The following GPM6A variants were observed in gnomAD, a reference collection of about 807,000 sequenced individuals.
GPM6A encodes neuronal membrane glycoprotein M6-a.
A neutral mutation model predicts 32.1 loss-of-function variants in GPM6A; 7 were observed. That is an observed-to-expected ratio of 0.22 (90% confidence interval 0.12 to 0.41). The LOEUF is 0.41. Ranked by LOEUF, GPM6A falls within the 10% of genes least tolerant of loss-of-function variation. The pLI is 1.00. For synonymous variants in GPM6A, 130 were observed against 123.4 expected (o/e 1.05, Z -0.35); for missense variants, 235 against 347.2 (o/e 0.68, Z 2.57).
intron 5 of GPM6A, 132 bp downstream of exon 5, chr4:175,640,621 C>G: frequency 3.0e-6 from 2 of 677,416 alleles, no homozygotes; most frequent in Non-Finnish European, 5.2e-6. Flanking sequence ...CTGAATAACA[C>G]TACTTCAGGT....
At chr4:175,667,373 A>G (rs951172696) in intron 3 of GPM6A, among the ~76,000 whole-genome samples, 7 of 152,176 alleles carry the variant, frequency 4.6e-5, no homozygotes, top group Admixed American at 3.3e-4. Context: ...TACAAAATGT[A>G]TTACTCAGCC....
Position 175,982,323 on chromosome 4 carries a change from A to G in GPM6A, c.-23+19986T>C, listed in dbSNP as rs557591758. ...GTCCTAGGAAATATTTGCTTAACAT[A>G]AGGTCAAAAAGATTTTTTCCTTTGC... is the stretch of plus-strand genomic sequence containing the variant. On this transcript the variant is annotated intron_variant, in intron 1 of 7. Transcript: ENST00000280187. Among the ~76,000 whole-genome samples, 4 of 152,254 alleles carry G rather than the reference A, an allele frequency of 2.6e-5. No individual in the cohort carries two copies. The South Asian group carries it at 8.3e-4, about 32-fold the overall frequency.
At chr4:175,657,936 A>G (rs1040959901) in intron 3 of GPM6A, among the ~76,000 whole-genome samples, 10 of 152,216 alleles carry the variant, frequency 6.6e-5, no homozygotes, top group Non-Finnish European at 1.3e-4. Context: ...AAAAAACATT[A>G]CAATCAAGTA....
intron 1 of GPM6A, among the ~76,000 whole-genome samples, chr4:175,992,220 T>C (rs1741172424): frequency 6.6e-6 from 1 of 152,146 alleles, no homozygotes; most frequent in Non-Finnish European, 1.5e-5. Context: ...GAGTTACAAG[T>C]AATGTGCGTG....
At chr4:175,996,663 T>G (rs1454890345) in intron 1 of GPM6A, among the ~76,000 whole-genome samples, 5 of 152,196 alleles carry the variant, frequency 3.3e-5, no homozygotes, top group Non-Finnish European at 1.5e-5. Flanking sequence ...ATTTCCACAC[T>G]CAAATGTTTT....
At position 175,802,036 on chromosome 4, in the gene GPM6A, T is replaced by C. The variant is rs142535672; in HGVS notation, c.37+10155A>G. On this transcript the variant is annotated intron_variant, in intron 1 of 6. Transcript: ENST00000393658. ...GCAGATCCCAATCATTTGGAGGGGG[T>C]TCAAAGTTGCTAAACAGTGTTGTAG... Among the ~76,000 whole-genome samples, 322 of 152,094 alleles carry C rather than the reference T, an allele frequency of 2.1e-3. 2 individuals are homozygous for C. Among genetic ancestry groups the C allele is most frequent in the African/African-American group, 7.3e-3 (302 of 41,522 alleles).
At position 175,649,795 on chromosome 4, in the gene GPM6A, A is replaced by G. The variant is rs961722325; in HGVS notation, c.541+2039T>C. Among the ~76,000 whole-genome samples, 3 of 152,360 alleles carry G rather than the reference A, an allele frequency of 2.0e-5. No homozygotes were observed. The South Asian group carries it at 6.2e-4, about 32-fold the overall frequency. ...CAGATAAAGAACAAATCATTTTAGTATAACTATATCCCATACAATATTTGG... is the reference window on the plus strand; with the variant it reads ...CAGATAAAGAACAAATCATTTTAGTGTAACTATATCCCATACAATATTTGG... On this transcript the variant is annotated intron_variant, in intron 4 of 6. Transcript: ENST00000393658.
At chr4:175,878,112 C>T (rs1457661027) in intron 1 of GPM6A, among the ~76,000 whole-genome samples, 1 of 152,234 alleles carries the variant, frequency 6.6e-6, no homozygotes, top group Non-Finnish European at 1.5e-5. Context: ...GCTCCCACAA[C>T]CTTGGCAGCT....
intron 3 of GPM6A, among the ~76,000 whole-genome samples, chr4:175,672,191 C>G (rs553987510): frequency 6.6e-6 from 1 of 152,260 alleles, no homozygotes; most frequent in African/African-American, 2.4e-5. Flanking sequence ...ATTGACTGCA[C>G]TCGTCCTGGC....
intron 6 of GPM6A, among the ~76,000 whole-genome samples, chr4:175,637,720 TATA>T (rs1740864717): frequency 1.2e-5 from 1 of 82,388 alleles, no homozygotes; most frequent in African/African-American, 5.1e-5. Flanking sequence ...TATATTTATA[TATA>T]ATATATTATA....
At chr4:175,928,349 A>T (rs1410034317) in intron 1 of GPM6A, among the ~76,000 whole-genome samples, 1 of 152,222 alleles carries the variant, frequency 6.6e-6, no homozygotes, top group African/African-American at 2.4e-5. Flanking sequence ...CCTATGTGGG[A>T]AAAGCTTGCT....
intron 1 of GPM6A, among the ~76,000 whole-genome samples, chr4:175,911,546 T>C (rs17062250): frequency 0.021 from 3,221 of 152,238 alleles, 107 homozygotes; most frequent in African/African-American, 0.074. Context: ...CCAAATAAAG[T>C]GATTTTTAAC....
At chr4:175,808,285 T>C (rs1265030027) in intron 1 of GPM6A, among the ~76,000 whole-genome samples, 1 of 152,202 alleles carries the variant, frequency 6.6e-6, no homozygotes, top group Non-Finnish European at 1.5e-5. Flanking sequence ...TATATCCTTG[T>C]GTGCATAGAT....
chr4:175,912,010 AT>A (rs1371736036), intron 1 of GPM6A, among the ~76,000 whole-genome samples: 1 of 152,180 alleles, frequency 6.6e-6, no homozygotes, highest in African/African-American at 2.4e-5. Context: ...ATCTATACAG[AT>A]TTTGAAAGCT....
At chr4:175,857,865 T>A (rs1311996783) in intron 1 of GPM6A, among the ~76,000 whole-genome samples, 4 of 152,152 alleles carry the variant, frequency 2.6e-5, no homozygotes, top group Non-Finnish European at 5.9e-5. Flanking sequence ...CTAGAGGTTC[T>A]AAATAGTGGA....
intron 1 of GPM6A, among the ~76,000 whole-genome samples, chr4:175,846,719 T>A (rs9312589): frequency 6.6e-6 from 1 of 151,946 alleles, no homozygotes; most frequent in Non-Finnish European, 1.5e-5. Context: ...TTTTCATAAA[T>A]GTGCAAAAGC....
chr4:175,955,747 A>T (rs140698035), intron 1 of GPM6A, among the ~76,000 whole-genome samples: 77 of 152,260 alleles, frequency 5.1e-4, no homozygotes, highest in African/African-American at 1.8e-3. Context: ...GTTTCTACTG[A>T]TGGAGCTTGC....
intron 6 of GPM6A, among the ~76,000 whole-genome samples, chr4:175,637,300 T>A: frequency 2.5e-5 from 1 of 39,626 alleles, no homozygotes; most frequent in Non-Finnish European, 4.8e-5. Context: ...ATATATATTA[T>A]ATATTATATA....
In GPM6A at chr4:175,634,212, A is replaced by G. The variant is rs1449751917; in HGVS notation, c.*693T>C. On this transcript the variant is annotated 3_prime_UTR_variant, in exon 7 of 7. Transcript: ENST00000393658. ...CATGCATTAGCATTACTGTTTCTAC[A>G]TGCTCACAACATAAACATGAGTAAT... The G allele has an allele frequency of 6.6e-6, 1 of 152,608 alleles. No homozygotes were observed. The highest frequency in any genetic ancestry group is 1.5e-5 in the Non-Finnish European group (1 of 68,016). 9.5% of individuals were successfully genotyped at this position (152,608 alleles called of 1,614,324 possible). A position where few individuals can be genotyped will look rare whatever the true frequency, so the allele number is the denominator to read the frequency against.
Sources: allele counts gnomAD v4.1 joint callset (sites outside exome capture counted in the v4.1 genomes callset), GRCh38; gene constraint gnomAD v4.1.1; transcripts MANE v1.5; gene names NCBI Gene and HGNC (gene_info 2026-07-23, HGNC 2026-07-21).